The following ARMC10 variants were observed in gnomAD, a reference collection of about 807,000 sequenced individuals.
ARMC10 encodes armadillo repeat-containing protein 10.
In ARMC10, 23 loss-of-function variants were observed where a neutral mutation model predicts 30.2. The ratio of observed to expected loss-of-function variants is 0.76; its 90% confidence interval spans 0.55 to 1.08. The LOEUF (loss-of-function observed/expected upper bound fraction) is 1.08, where lower values mean the gene tolerates loss of function less well. Ranked by LOEUF, ARMC10 falls within the 50% of genes least tolerant of loss-of-function variation. The probability of loss-of-function intolerance (pLI) is 0.00; values close to 1 mark genes in which losing one functional copy is unlikely to be tolerated. For synonymous variants in ARMC10, 111 were observed against 164.4 expected (o/e 0.68, Z 2.48); for missense variants, 303 against 413.7 (o/e 0.73, Z 2.32).
intron 3 of ARMC10, among the ~76,000 whole-genome samples, chr7:103,086,205 G>A (rs559777517): frequency 1.3e-4 from 20 of 152,138 alleles, no homozygotes; most frequent in African/African-American, 4.3e-4. Context: ...CAAATAATAC[G>A]TGTTAGCAAA....
intron 4 of ARMC10, 103 bp from the exon 5 acceptor site, chr7:103,092,374 T>G: frequency 1.7e-6 from 1 of 583,548 alleles, no homozygotes; most frequent in Non-Finnish European, 2.7e-6. Context: ...GAGGAGTCGG[T>G]TCCATCCTGA....
intron 6 of ARMC10, 36 bp downstream of exon 6, chr7:103,097,384 C>T: frequency 7.3e-7 from 1 of 1,373,774 alleles, no homozygotes; most frequent in Non-Finnish European, 1.0e-6. Context: ...TAAATATACA[C>T]ATATATACAT....
In ARMC10 at chr7:103,075,779, G is replaced by T. The variant is rs145152108; in HGVS notation, c.142G>T (p.Ala48Ser). 976 of 1,606,464 alleles carry T rather than the reference G, an allele frequency of 6.1e-4. 3 individuals are homozygous for T. Among genetic ancestry groups the T allele is most frequent in the Non-Finnish European group, 6.4e-4 (756 of 1,176,624 alleles). The change falls in exon 2 of 7, where the codon GCC becomes TCC. Residue 48 changes from alanine (A) to serine (S), a missense_variant and splice_region_variant. Physicochemically the swap from Ala to Ser is moderately conservative, Grantham distance 99 (BLOSUM62 1). Coordinates refer to ENST00000323716, the MANE Select transcript of ARMC10 (RefSeq NM_031905.5). The part of the protein sequence containing the change: ...LGIRSSKSAG[A>S]LEEGTSEGQL... ...CATAGGTCAATCTCTGCTTGCAGGT[G>T]CCCTGGAAGAAGGGACGTCAGAGGG...
chr7:103,088,589 T>C (rs1801050511), intron 4 of ARMC10: 1 of 161,050 alleles, frequency 6.2e-6, no homozygotes, highest in African/African-American at 2.4e-5. Flanking sequence ...ATCAAATGAA[T>C]GTTAATTAAA....
At position 103,099,452 on chromosome 7, in the gene ARMC10, C is replaced by G. The variant is rs1036519669; in HGVS notation, c.*899C>G. 1 of 127,898 alleles carries G rather than the reference C, an allele frequency of 7.8e-6. No individual in the cohort carries two copies. Among genetic ancestry groups the G allele is most frequent in the South Asian group, 2.6e-4 (1 of 3,900 alleles). The allele number at this position is 127,898 out of a possible 1,614,324, so 7.9% of individuals were successfully genotyped here. A position where few individuals can be genotyped will look rare whatever the true frequency, so the allele number is the denominator to read the frequency against. On this transcript the variant is annotated 3_prime_UTR_variant, in exon 7 of 7. Coordinates refer to ENST00000323716, the MANE Select transcript of ARMC10 (RefSeq NM_031905.5). ...CGCCATTGCACTCCAGCCTGGGCAACAAGAGCAAAACTCTGTCTCAAAAAA... is the reference window on the plus strand; with the variant it reads ...CGCCATTGCACTCCAGCCTGGGCAAGAAGAGCAAAACTCTGTCTCAAAAAA...
chr7:103,092,372 G>A (rs921797486), intron 4 of ARMC10, 105 bp from the exon 5 acceptor site: 6 of 584,820 alleles, frequency 1.0e-5, no homozygotes, highest in Admixed American at 3.6e-5. Context: ...TTGAGGAGTC[G>A]GTTCCATCCT....
intron 6 of ARMC10, 51 bp downstream of exon 6, chr7:103,097,399 A>G: frequency 6.3e-6 from 8 of 1,270,528 alleles, no homozygotes; most frequent in Non-Finnish European, 9.1e-6. Flanking sequence ...ATACATTTGA[A>G]CAGACAGACA....
intron 3 of ARMC10, chr7:103,084,110 T>C (rs1242294218): frequency 7.9e-7 from 1 of 1,272,092 alleles, no homozygotes; most frequent in East Asian, 3.8e-5. Context: ...TTTTAAATTA[T>C]TTAAAATTCA....
At position 103,092,380 on chromosome 7, in the gene ARMC10, C is replaced by T. The variant is rs552049317; in HGVS notation, c.529-97C>T. The T allele has an allele frequency of 2.5e-5, 17 of 666,916 alleles. No homozygotes were observed. The South Asian group carries it at 5.5e-4, about 22-fold the overall frequency. The allele number at this position is 666,916 out of a possible 1,614,324, so 41.3% of individuals were successfully genotyped here. A position where few individuals can be genotyped will look rare whatever the true frequency, so the allele number is the denominator to read the frequency against. Reference sequence around the variant, plus strand: ...GTATTTTTTGAGGAGTCGGTTCCATCCTGAGCAGTAGCCCTACTCCACTGT... The same window carrying T: ...GTATTTTTTGAGGAGTCGGTTCCATTCTGAGCAGTAGCCCTACTCCACTGT... On this transcript the variant is annotated intron_variant, in intron 4 of 6. Coordinates refer to ENST00000323716, the MANE Select transcript of ARMC10 (RefSeq NM_031905.5).
chr7:103,086,500 T>C (rs936777745), intron 3 of ARMC10, 130 bp from the exon 4 acceptor site: 1 of 970,098 alleles, frequency 1.0e-6, no homozygotes, highest in East Asian at 2.8e-5. Context: ...GAATTAAATA[T>C]TTGTATATGG....
intron 2 of ARMC10, among the ~76,000 whole-genome samples, chr7:103,078,173 T>G (rs1391966204): frequency 3.9e-5 from 6 of 152,258 alleles, no homozygotes; most frequent in African/African-American, 1.4e-4. Flanking sequence ...TTTTTTTGTA[T>G]TTTTAGTAGA....
chr7:103,090,927 ATC>A (rs1231151810), intron 4 of ARMC10, among the ~76,000 whole-genome samples: 8 of 152,014 alleles, frequency 5.3e-5, no homozygotes. Context: ...TAAAAGTTTA[ATC>A]TCTCATTGCT....
intron 2 of ARMC10, among the ~76,000 whole-genome samples, chr7:103,080,143 CA>C (rs2129520429): frequency 6.6e-6 from 1 of 152,326 alleles, no homozygotes; most frequent in Admixed American, 6.5e-5. Flanking sequence ...TGTGTAATAG[CA>C]GTCCAAAAAC....
intron 2 of ARMC10, among the ~76,000 whole-genome samples, chr7:103,080,728 A>G (rs1232300170): frequency 6.6e-6 from 1 of 151,806 alleles, no homozygotes; most frequent in Non-Finnish European, 1.5e-5. Flanking sequence ...CCCAGGTTCA[A>G]GCAATTCTTC....
chr7:103,093,606 C>T (rs1801533746), intron 5 of ARMC10, among the ~76,000 whole-genome samples: 1 of 152,208 alleles, frequency 6.6e-6, no homozygotes, highest in Non-Finnish European at 1.5e-5. Flanking sequence ...CAGTTTCCAA[C>T]GTGCATCAGC....
intron 2 of ARMC10, among the ~76,000 whole-genome samples, chr7:103,078,413 A>AG (rs1171952983): frequency 6.6e-6 from 1 of 152,128 alleles, no homozygotes; most frequent in Non-Finnish European, 1.5e-5. Context: ...TGGTTTTATT[A>AG]GGGGCTTCCC....
chr7:103,079,447 A>G (rs375066223), intron 2 of ARMC10, among the ~76,000 whole-genome samples: 18 of 152,242 alleles, frequency 1.2e-4, no homozygotes, highest in African/African-American at 4.3e-4. Flanking sequence ...CCAAAAGCAA[A>G]TATCGTATTT....
intron 4 of ARMC10, 41 bp from the exon 5 acceptor site, chr7:103,092,433 ATTT>A: frequency 6.8e-7 from 1 of 1,476,360 alleles, no homozygotes; most frequent in Non-Finnish European, 9.2e-7. Context: ...CAGTAGAAAA[ATTT>A]TGGAGATTCT....
At chr7:103,077,858 T>C (rs1180713100) in intron 2 of ARMC10, among the ~76,000 whole-genome samples, 2 of 152,228 alleles carry the variant, frequency 1.3e-5, no homozygotes, top group East Asian at 3.9e-4. Context: ...ATCATCATTA[T>C]CTTAGGTAAG....
Sources: allele counts gnomAD v4.1 joint callset (sites outside exome capture counted in the v4.1 genomes callset), GRCh38; gene constraint gnomAD v4.1.1; transcripts MANE v1.5; gene names NCBI Gene and HGNC (gene_info 2026-07-23, HGNC 2026-07-21).